The following KCNQ5 variants were observed in gnomAD, a reference collection of about 807,000 sequenced individuals.
KCNQ5 encodes potassium voltage-gated channel subfamily KQT member 5.
In KCNQ5, 30 loss-of-function variants were observed where a neutral mutation model predicts 98.2. That is an observed-to-expected ratio of 0.31 (90% CI 0.23 to 0.41). KCNQ5 has a LOEUF of 0.41. Ranked by LOEUF, KCNQ5 falls within the 10% of genes least tolerant of loss-of-function variation. The pLI, the probability that KCNQ5 is intolerant of heterozygous loss-of-function variation, is 1.00. For synonymous variants in KCNQ5, 458 were observed against 449.4 expected (o/e 1.02, Z -0.24); for missense variants, 835 against 1,182.5 (o/e 0.71, Z 4.31).
intron 1 of KCNQ5, among the ~76,000 whole-genome samples, chr6:72,792,239 C>T (rs1046410568): frequency 6.6e-6 from 1 of 152,082 alleles, no homozygotes; most frequent in Non-Finnish European, 1.5e-5. Context: ...TAGTCTTTCT[C>T]TTTTACCATG....
intron 1 of KCNQ5, among the ~76,000 whole-genome samples, chr6:72,672,569 G>A (rs909754924): frequency 5.3e-5 from 8 of 152,192 alleles, no homozygotes; most frequent in South Asian, 2.1e-4. Flanking sequence ...CCTAGTTTCC[G>A]ATACAGTCTT....
At chr6:73,098,575 A>G (rs915945503) in intron 5 of KCNQ5, among the ~76,000 whole-genome samples, 1 of 152,224 alleles carries the variant, frequency 6.6e-6, no homozygotes, top group Non-Finnish European at 1.5e-5. Flanking sequence ...TGGAAACCTT[A>G]CAGGCCAGGA....
At chr6:73,050,350 GGGAAAGAAAGGAAA>G (rs1772178121) in intron 3 of KCNQ5, among the ~76,000 whole-genome samples, 4 of 149,810 alleles carry the variant, frequency 2.7e-5, no homozygotes, top group Admixed American at 6.7e-5. Context: ...GAAGGAGGGA[GGGAAAGAAAGGAAA>G]GGAAAGAAAA....
At chr6:72,958,813 A>C (rs1767207881) in intron 1 of KCNQ5, among the ~76,000 whole-genome samples, 1 of 152,234 alleles carries the variant, frequency 6.6e-6, no homozygotes, top group South Asian at 2.1e-4. Flanking sequence ...TTATCTGAAA[A>C]CAGGAAAAAA....
At chr6:72,940,295 C>G (rs147503617) in intron 1 of KCNQ5, among the ~76,000 whole-genome samples, 1 of 152,304 alleles carries the variant, frequency 6.6e-6, no homozygotes, top group Non-Finnish European at 1.5e-5. Flanking sequence ...TATCATTATG[C>G]ATTATTATTG....
At chr6:72,702,293 T>C (rs964133193) in intron 1 of KCNQ5, among the ~76,000 whole-genome samples, 1 of 152,214 alleles carries the variant, frequency 6.6e-6, no homozygotes. Flanking sequence ...CTAACATTTG[T>C]GTAGCAATGT....
At chr6:72,935,491 T>C (rs1013229799) in intron 1 of KCNQ5, among the ~76,000 whole-genome samples, 3 of 152,184 alleles carry the variant, frequency 2.0e-5, no homozygotes, top group African/African-American at 7.2e-5. Context: ...CTCATTCCCC[T>C]GCTAAGCATA....
At chr6:72,794,369 C>T (rs979198810) in intron 1 of KCNQ5, among the ~76,000 whole-genome samples, 5 of 151,248 alleles carry the variant, frequency 3.3e-5, no homozygotes, top group African/African-American at 1.2e-4. Context: ...AATCCTAAAA[C>T]TGAGAGATAT....
intron 1 of KCNQ5, among the ~76,000 whole-genome samples, chr6:72,714,825 A>G (rs1355538946): frequency 2.0e-5 from 3 of 152,218 alleles, no homozygotes; most frequent in Non-Finnish European, 4.4e-5. Flanking sequence ...GATCATATTC[A>G]TGGGCACCAG....
chr6:72,739,105 G>A (rs947594469), intron 1 of KCNQ5, among the ~76,000 whole-genome samples: 1 of 152,166 alleles, frequency 6.6e-6, no homozygotes, highest in African/African-American at 2.4e-5. Flanking sequence ...GTTCCAGTTT[G>A]GTGGGGGATC....
intron 1 of KCNQ5, among the ~76,000 whole-genome samples, chr6:72,811,231 A>G (rs1775227676): frequency 6.6e-6 from 1 of 152,202 alleles, no homozygotes; most frequent in African/African-American, 2.4e-5. Context: ...AATTGTGTTG[A>G]TGGTCAGTTC....
At chr6:73,142,277 G>A (rs116609570) in intron 10 of KCNQ5, among the ~76,000 whole-genome samples, 2,207 of 152,238 alleles carry the variant, frequency 0.014, 53 homozygotes, top group African/African-American at 0.049. Context: ...GGAGATGAGG[G>A]CCACTGGGGA....
At chr6:72,817,146 G>C (rs1245588094) in intron 1 of KCNQ5, among the ~76,000 whole-genome samples, 1 of 152,106 alleles carries the variant, frequency 6.6e-6, no homozygotes, top group Admixed American at 6.5e-5. Flanking sequence ...GAGTTCATCT[G>C]GAAAGTAAAA....
intron 1 of KCNQ5, among the ~76,000 whole-genome samples, chr6:72,625,412 CT>C (rs1379951762): frequency 3.3e-5 from 5 of 152,304 alleles, no homozygotes; most frequent in African/African-American, 4.8e-5. Flanking sequence ...CTATCTTCAA[CT>C]TTTCTTCATT....
At chr6:72,895,300 A>C (rs557092016) in intron 1 of KCNQ5, among the ~76,000 whole-genome samples, 1 of 151,088 alleles carries the variant, frequency 6.6e-6, no homozygotes, top group Non-Finnish European at 1.5e-5. Flanking sequence ...AAAAAAAAAA[A>C]AAGAAAAAAA....
intron 5 of KCNQ5, among the ~76,000 whole-genome samples, chr6:73,092,917 T>C (rs1774315183): frequency 6.6e-6 from 1 of 152,200 alleles, no homozygotes; most frequent in South Asian, 2.1e-4. Context: ...AGGGTGATAC[T>C]GGCTTCATAG....
At chr6:73,070,652 T>G (rs542884948) in intron 3 of KCNQ5, among the ~76,000 whole-genome samples, 2 of 152,318 alleles carry the variant, frequency 1.3e-5, no homozygotes, top group African/African-American at 4.8e-5. Flanking sequence ...GCATTCTTAG[T>G]ACCAAACTGC....
chr6:72,950,770 A>G (rs1340151689), intron 1 of KCNQ5, among the ~76,000 whole-genome samples: 1 of 152,196 alleles, frequency 6.6e-6, no homozygotes, highest in East Asian at 1.9e-4. Flanking sequence ...AATTCTAAGA[A>G]TATGTTTTCA....
At chr6:73,096,143 G>C (rs918000319) in intron 5 of KCNQ5, among the ~76,000 whole-genome samples, 6 of 152,104 alleles carry the variant, frequency 3.9e-5, no homozygotes, top group African/African-American at 1.4e-4. Flanking sequence ...TTAGAGTCCA[G>C]TGTTCAAGGA....
Sources: gnomAD v4.1 joint callset for allele counts (sites outside exome capture counted in the v4.1 genomes callset) on GRCh38, gnomAD v4.1.1 for gene constraint, MANE v1.5 for transcripts, NCBI Gene and HGNC (gene_info 2026-07-23, HGNC 2026-07-21) for gene names.